The following UHRF2 variants were observed in gnomAD, a reference collection of about 807,000 sequenced individuals.
UHRF2 encodes the protein E3 ubiquitin-protein ligase UHRF2.
Under a neutral mutation model 96.8 loss-of-function variants are expected in UHRF2, and 23 were observed. The observed-to-expected ratio is 0.24, with a 90% CI of 0.17 to 0.34. UHRF2 has a LOEUF of 0.34. Ranked by LOEUF, UHRF2 falls within the 10% of genes least tolerant of loss-of-function variation. UHRF2 has a pLI of 1.00. For synonymous variants in UHRF2, 385 were observed against 332.6 expected (o/e 1.16, Z -1.72); for missense variants, 685 against 981.5 (o/e 0.70, Z 4.04).
chr9:6,444,108 AT>A (rs778453485), intron 3 of UHRF2, among the ~76,000 whole-genome samples: 39 of 152,200 alleles, frequency 2.6e-4, no homozygotes, highest in South Asian at 6.2e-4. Context: ...AAATGTAATT[AT>A]TTCTAGGTTT....
At chr9:6,487,556 G>T (rs1293805609) in intron 9 of UHRF2, among the ~76,000 whole-genome samples, 1 of 152,184 alleles carries the variant, frequency 6.6e-6, no homozygotes, top group Non-Finnish European at 1.5e-5. Context: ...TAGTAGAAAT[G>T]GGGTTTCACC....
At chr9:6,427,333 G>T (rs1820316245) in intron 2 of UHRF2, among the ~76,000 whole-genome samples, 1 of 152,106 alleles carries the variant, frequency 6.6e-6, no homozygotes. Context: ...TACAAAAGAT[G>T]AATTTTCAAA....
At chr9:6,450,167 A>C (rs1821766750) in intron 3 of UHRF2, among the ~76,000 whole-genome samples, 1 of 152,214 alleles carries the variant, frequency 6.6e-6, no homozygotes, top group African/African-American at 2.4e-5. Flanking sequence ...ATTCCTTAAC[A>C]TCAAATAACC....
chr9:6,481,409 G>C (rs1001704571), intron 6 of UHRF2, among the ~76,000 whole-genome samples: 1 of 152,100 alleles, frequency 6.6e-6, no homozygotes, highest in African/African-American at 2.4e-5. Flanking sequence ...TTTGAGTTTT[G>C]AACTGAATTT....
chr9:6,465,006 A>C (rs1462390089), intron 4 of UHRF2, among the ~76,000 whole-genome samples: 2 of 152,218 alleles, frequency 1.3e-5, no homozygotes, highest in Non-Finnish European at 2.9e-5. Context: ...GTTTGGAATT[A>C]TAATCATCTG....
At chr9:6,447,374 A>C (rs1821581260) in intron 3 of UHRF2, among the ~76,000 whole-genome samples, 1 of 152,218 alleles carries the variant, frequency 6.6e-6, no homozygotes, top group Non-Finnish European at 1.5e-5. Flanking sequence ...CTATATTTTG[A>C]ACATGGTACT....
chr9:6,472,153 A>G (rs1823280072), intron 4 of UHRF2, among the ~76,000 whole-genome samples: 1 of 152,194 alleles, frequency 6.6e-6, no homozygotes, highest in African/African-American at 2.4e-5. Flanking sequence ...CATCTGTAGC[A>G]TTGGTCCCAG....
intron 3 of UHRF2, among the ~76,000 whole-genome samples, chr9:6,435,141 G>GC (rs1483612467): frequency 6.6e-6 from 1 of 151,806 alleles, no homozygotes; most frequent in Non-Finnish European, 1.5e-5. Flanking sequence ...TTAGAGGCGC[G>GC]CACCACCACG....
At chr9:6,503,395 T>G (rs1344076370) in intron 14 of UHRF2, among the ~76,000 whole-genome samples, 6 of 151,354 alleles carry the variant, frequency 4.0e-5, no homozygotes, top group Non-Finnish European at 5.9e-5. Flanking sequence ...AAAAACTAGT[T>G]TTCCTTCTAG....
chr9:6,484,157 G>A (rs1179850750), intron 8 of UHRF2, among the ~76,000 whole-genome samples: 1 of 151,038 alleles, frequency 6.6e-6, no homozygotes, highest in African/African-American at 2.4e-5. Flanking sequence ...TGTAACTTCA[G>A]ACTTCTGGGC....
intron 4 of UHRF2, chr9:6,468,282 G>C (rs891668400): frequency 8.3e-6 from 3 of 360,196 alleles, no homozygotes; most frequent in African/African-American, 2.1e-5. Context: ...TGAAAAAGTG[G>C]CTTTGGCCTT....
intron 3 of UHRF2, chr9:6,434,450 T>A: frequency 7.2e-6 from 1 of 138,682 alleles, no homozygotes; most frequent in Non-Finnish European, 1.3e-5. Context: ...TTAGGTGGGC[T>A]TTTTTTGAGA....
chr9:6,457,171 CTT>C (rs948115918), intron 3 of UHRF2, among the ~76,000 whole-genome samples: 15 of 152,000 alleles, frequency 9.9e-5, no homozygotes, highest in African/African-American at 2.9e-4. Context: ...TTTGTGTCCT[CTT>C]TTTTTTCGTT....
At chr9:6,497,137 G>T in intron 10 of UHRF2, 61 bp from the exon 11 acceptor site, 1 of 1,478,918 alleles carries the variant, frequency 6.8e-7, no homozygotes, top group South Asian at 1.2e-5. Context: ...TTGAGCTAAT[G>T]ACTCGATTGT....
At chr9:6,460,186 C>G (rs1199190719) in intron 3 of UHRF2, among the ~76,000 whole-genome samples, 1 of 152,176 alleles carries the variant, frequency 6.6e-6, no homozygotes, top group African/African-American at 2.4e-5. Flanking sequence ...TAGATTATAA[C>G]AGTAATACGT....
chr9:6,505,884 T>C (rs773248858), intron 15 of UHRF2, 149 bp from the exon 16 acceptor site: 4 of 727,830 alleles, frequency 5.5e-6, no homozygotes, highest in Middle Eastern at 3.1e-4. Flanking sequence ...CTGTAGTCTT[T>C]TCCATAGTGC....
intron 4 of UHRF2, among the ~76,000 whole-genome samples, chr9:6,463,821 A>C (rs1822706675): frequency 6.6e-6 from 1 of 152,158 alleles, no homozygotes; most frequent in Admixed American, 6.5e-5. Flanking sequence ...CTCACTGGTA[A>C]GAATGGATAA....
intron 14 of UHRF2, among the ~76,000 whole-genome samples, chr9:6,502,080 TA>T (rs1816320129): frequency 1.3e-5 from 2 of 152,232 alleles, no homozygotes; most frequent in Non-Finnish European, 2.9e-5. Flanking sequence ...TCTCTTCAGA[TA>T]AGCCAGGAAC....
intron 5 of UHRF2, among the ~76,000 whole-genome samples, chr9:6,476,522 A>T (rs931620501): frequency 6.6e-6 from 1 of 152,170 alleles, no homozygotes; most frequent in Non-Finnish European, 1.5e-5. Context: ...TTCTTACTTG[A>T]TATCAAATAT....
Sources: gnomAD v4.1 joint callset for allele counts (sites outside exome capture counted in the v4.1 genomes callset) on GRCh38, gnomAD v4.1.1 for gene constraint, MANE v1.5 for transcripts, NCBI Gene and HGNC (gene_info 2026-07-23, HGNC 2026-07-21) for gene names.